CLTC: variants seen among roughly 807,000 people sequenced by gnomAD.
The protein encoded by CLTC is clathrin heavy chain 1.
In CLTC, 16 loss-of-function variants were observed where a neutral mutation model predicts 195.8. That is an observed-to-expected ratio of 0.08 (90% confidence interval 0.06 to 0.12). The LOEUF is 0.12. Among genes scored for constraint, CLTC ranks in the 10% least tolerant of loss-of-function variants. The pLI, the probability that CLTC is intolerant of heterozygous loss-of-function variation, is 1.00. For missense variants in CLTC, 796 were observed against 2,027.0 expected, an observed-to-expected ratio of 0.39 and a Z score of 11.66; for synonymous variants, 667 against 689.4, an observed-to-expected ratio of 0.97 and a Z score of 0.51.
At chr17:59,680,266 A>G (rs930650160) in intron 18 of CLTC, among the ~76,000 whole-genome samples, 2 of 152,186 alleles carry the variant, frequency 1.3e-5, no homozygotes, top group African/African-American at 4.8e-5. Flanking sequence ...CAAGTGCATC[A>G]GTGTTATATC....
intron 28 of CLTC, 48 bp downstream of exon 28, chr17:59,684,033 T>C (rs1463592961): frequency 7.4e-6 from 9 of 1,219,270 alleles, no homozygotes; most frequent in Non-Finnish European, 8.3e-6. Flanking sequence ...CATAAAGTTA[T>C]GTTTTCCCAT....
At position 59,644,311 on chromosome 17, in the gene CLTC, C is replaced by T; in HGVS notation, c.78C>T (p.Gly26=). The change falls in exon 2 of 32, where the codon GGC becomes GGT. Residue 26 remains glycine, a synonymous_variant. Transcript: ENST00000269122. ...QNLGINPANI[G]FSTLTMESDK... is the part of the protein sequence containing the mutation. Reference sequence around the variant, plus strand: ...TGGGTATCAACCCAGCAAACATTGGCTTCAGTACCCTGACTATGGAGTCTG... The same window carrying T: ...TGGGTATCAACCCAGCAAACATTGGTTTCAGTACCCTGACTATGGAGTCTG... 6.2e-7 allele frequency: 1 copy of T among 1,614,104 alleles called. No homozygotes were observed. Among genetic ancestry groups the T allele is most frequent in the Non-Finnish European group, 8.5e-7 (1 of 1,180,014 alleles).
chr17:59,656,157 C>A, intron 6 of CLTC, 130 bp downstream of exon 6: 4 of 775,444 alleles, frequency 5.2e-6, no homozygotes, highest in Non-Finnish European at 5.8e-6. Flanking sequence ...TAGTTTTTTT[C>A]CAAAAAGTAA....
At chr17:59,674,597 G>GAA in intron 15 of CLTC, 104 bp from the exon 16 acceptor site, 4 of 1,064,606 alleles carry the variant, frequency 3.8e-6, no homozygotes, top group African/African-American at 1.7e-5. Flanking sequence ...TGAACTTAAA[G>GAA]AAAAAAAAAC....
chr17:59,620,230 G>A (rs1271859171), intron 1 of CLTC, 57 bp downstream of exon 1: 2 of 1,591,838 alleles, frequency 1.3e-6, no homozygotes, highest in Non-Finnish European at 1.7e-6. Context: ...AAGGATGGAA[G>A]ACGCTGGAGT....
At chr17:59,677,288 C>A in intron 17 of CLTC, 100 bp downstream of exon 17, 1 of 852,650 alleles carries the variant, frequency 1.2e-6, no homozygotes. Flanking sequence ...CATTTGGGGA[C>A]GGTGGGTGCT....
At position 59,648,224 on chromosome 17, in the gene CLTC, C is replaced by T. The variant is rs779252629; in HGVS notation, c.520-16C>T. ...TTTATGGGTCTTCAAACGTTATTCTCTTTGATCCTTTATAGCAAAATCGTG... is the reference window on the plus strand; with the variant it reads ...TTTATGGGTCTTCAAACGTTATTCTTTTTGATCCTTTATAGCAAAATCGTG... On this transcript the variant is annotated splice_polypyrimidine_tract_variant and intron_variant, in intron 3 of 31. Coordinates refer to ENST00000269122, the MANE Select transcript of CLTC (RefSeq NM_004859.4). The surrounding 1 kb of genome is among the most constrained non-coding windows in gnomAD (Gnocchi z 4.5). The T allele has an allele frequency of 1.9e-6, 3 of 1,598,868 alleles. No individual in the cohort carries two copies. Among genetic ancestry groups the T allele is most frequent in the African/African-American group, 2.7e-5 (2 of 74,224 alleles).
At chr17:59,630,796 C>T (rs140644978) in intron 1 of CLTC, among the ~76,000 whole-genome samples, 1 of 152,296 alleles carries the variant, frequency 6.6e-6, no homozygotes, top group African/African-American at 2.4e-5. Context: ...TTTGTCCTTT[C>T]ATCAGTTGGT....
At chr17:59,676,863 A>G in intron 16 of CLTC, 91 bp from the exon 17 acceptor site, 1 of 966,568 alleles carries the variant, frequency 1.0e-6, no homozygotes, top group Non-Finnish European at 1.6e-6. Context: ...AGCACATTAT[A>G]GACCATAAGG....
chr17:59,681,185 C>A lies in CLTC; in HGVS notation c.3066-110C>A, dbSNP rs545210957. The stretch of plus-strand genomic sequence containing the variant: ...AATTCTCACTCTTCTAATATCCTCC[C>A]CCCTACCCTACCTCTTGAGACAAAA... On this transcript the variant is annotated intron_variant, in intron 19 of 31. Coordinates refer to ENST00000269122, the MANE Select transcript of CLTC (RefSeq NM_004859.4). The surrounding 1 kb of genome is among the most constrained non-coding windows in gnomAD (Gnocchi z 5.0). 4 of 1,441,174 alleles carry A rather than the reference C, an allele frequency of 2.8e-6. No individual in the cohort carries two copies. The African/African-American group carries it at 5.7e-5, about 20-fold the overall frequency. 89.3% of individuals were successfully genotyped at this position (1,441,174 alleles called of 1,614,324 possible).
intron 16 of CLTC, 134 bp downstream of exon 16, chr17:59,674,977 G>A: frequency 2.4e-6 from 2 of 844,666 alleles, no homozygotes; most frequent in South Asian, 3.4e-5. Flanking sequence ...TAACATAGAG[G>A]TGATAAGCTA....
At position 59,682,174 on chromosome 17, in the gene CLTC, T is replaced by G. The variant is rs2033093783; in HGVS notation, c.3443-97T>G. 3 of 1,168,750 alleles carry G rather than the reference T, an allele frequency of 2.6e-6. No homozygotes were observed. Among genetic ancestry groups the G allele is most frequent in the South Asian group, 1.4e-5 (1 of 69,288 alleles). The allele number at this position is 1,168,750 out of a possible 1,614,324, so 72.4% of individuals were successfully genotyped here. On this transcript the variant is annotated intron_variant, in intron 21 of 31. Coordinates refer to ENST00000269122, the MANE Select transcript of CLTC (RefSeq NM_004859.4). The surrounding 1 kb of genome is among the most constrained non-coding windows in gnomAD (Gnocchi z 6.8). ...GTTTACATTTGTCATTATCCATGTT[T>G]CCTTGAAAAGGAAATGAATGCAATT...
At chr17:59,672,869 T>C (rs1333797772) in intron 14 of CLTC, among the ~76,000 whole-genome samples, 2 of 152,184 alleles carry the variant, frequency 1.3e-5, no homozygotes, top group Non-Finnish European at 2.9e-5. Flanking sequence ...TATTGAGGAA[T>C]GTTTCACTGT....
chr17:59,683,556 G>A lies in CLTC; in HGVS notation c.4191+20G>A. Reference sequence around the variant, plus strand: ...ACCAAGGTGTGTACTTTCTTCAGAAGATAAAGGATTCAGAAGGAGAAAGCT... The same window carrying A: ...ACCAAGGTGTGTACTTTCTTCAGAAAATAAAGGATTCAGAAGGAGAAAGCT... On this transcript the variant is annotated intron_variant, in intron 26 of 31. Coordinates refer to ENST00000269122, the MANE Select transcript of CLTC (RefSeq NM_004859.4). The surrounding 1 kb of genome is among the most constrained non-coding windows in gnomAD (Gnocchi z 6.1). 1 of 1,613,158 alleles carries A rather than the reference G, an allele frequency of 6.2e-7. No homozygotes were observed. The highest frequency in any genetic ancestry group is 8.5e-7 in the Non-Finnish European group (1 of 1,179,490).
At chr17:59,645,587 A>G (rs918759619) in intron 2 of CLTC, among the ~76,000 whole-genome samples, 1 of 152,240 alleles carries the variant, frequency 6.6e-6, no homozygotes, top group Non-Finnish European at 1.5e-5. Context: ...TCAAGTTCGC[A>G]GTAATTTGTT....
At position 59,644,527 on chromosome 17, in the gene CLTC, TTG is replaced by T. The variant is rs1251211647; in HGVS notation, c.250+46_250+47del. 3.1e-6 allele frequency: 4 copies of T among 1,302,670 alleles called. No homozygotes were observed. The African/African-American group carries it at 5.2e-5, about 17-fold the overall frequency. The allele number at this position is 1,302,670 out of a possible 1,614,324, so 80.7% of individuals were successfully genotyped here. A position where few individuals can be genotyped will look rare whatever the true frequency, so the allele number is the denominator to read the frequency against. On this transcript the variant is annotated intron_variant, in intron 2 of 31. Transcript: ENST00000269122. ...TTTCCTTAAAACTCTTCCTATGTTT[TTG>T]TTTTTTTTTGTTTTTTTTTTGTTTG... is the stretch of plus-strand genomic sequence containing the variant.
Position 59,648,502 on chromosome 17 carries a change from T to A in CLTC, c.681+101T>A. On this transcript the variant is annotated intron_variant, in intron 4 of 31. Transcript: ENST00000269122. This position sits in a 1 kb window ranked among gnomAD's most constrained non-coding sequence, Gnocchi z 4.5. ...CAAAATAGCCTTCTCCCTTCCTAAGTAATTTTAGTATTCACATTTGTGGTG... is the reference window on the plus strand; with the variant it reads ...CAAAATAGCCTTCTCCCTTCCTAAGAAATTTTAGTATTCACATTTGTGGTG... 1 of 1,115,840 alleles carries A rather than the reference T, an allele frequency of 9.0e-7. No individual in the cohort carries two copies. Among genetic ancestry groups the A allele is most frequent in the Non-Finnish European group, 1.3e-6 (1 of 774,582 alleles). 69.1% of individuals were successfully genotyped at this position (1,115,840 alleles called of 1,614,324 possible).
At chr17:59,641,159 ATGTT>A (rs773122800) in intron 1 of CLTC, among the ~76,000 whole-genome samples, 32 of 151,840 alleles carry the variant, frequency 2.1e-4, no homozygotes, top group Non-Finnish European at 3.7e-4. Context: ...AATTATGTTC[ATGTT>A]TGCTGGTGTT....
intron 1 of CLTC, among the ~76,000 whole-genome samples, chr17:59,625,432 T>G (rs1025740976): frequency 1.3e-5 from 2 of 152,124 alleles, no homozygotes; most frequent in African/African-American, 4.8e-5. Flanking sequence ...GCTATGTATA[T>G]TTTGTACTTA....
Sources: allele counts gnomAD v4.1 joint callset (sites outside exome capture counted in the v4.1 genomes callset), GRCh38; gene constraint gnomAD v4.1.1; non-coding constraint Gnocchi (gnomAD v3.1); transcripts MANE v1.5; gene names NCBI Gene and HGNC (gene_info 2026-07-23, HGNC 2026-07-21).